Variants in GDA observed in about 807,000 individuals in gnomAD.
GDA encodes the protein cytoplasmic PSD-95 interactor.
A neutral mutation model predicts 59.6 loss-of-function variants in GDA; 18 were observed. The observed-to-expected ratio is 0.30, with a 90% CI of 0.21 to 0.45. The LOEUF (loss-of-function observed/expected upper bound fraction) is 0.45. Ranked by LOEUF, GDA falls within the 20% of genes least tolerant of loss-of-function variation. GDA has a pLI of 1.00. For missense variants in GDA, 427 were observed against 552.3 expected, an observed-to-expected ratio of 0.77 and a Z score of 2.27; for synonymous variants, 201 against 201.1, an observed-to-expected ratio of 1.00 and a Z score of 0.00.
At position 72,216,012 on chromosome 9, in the gene GDA, C is replaced by A. The variant is rs193042545; in HGVS notation, c.578+2021C>A. On this transcript the variant is annotated intron_variant, in intron 5 of 13. Coordinates refer to ENST00000358399, the MANE Select transcript of GDA (RefSeq NM_004293.5). The stretch of plus-strand genomic sequence containing the variant: ...CACCACTTGCATGAATCTGGTGAGA[C>A]AGCACACTTATACAACAAGTTAAGC... 2.2e-4 allele frequency among the ~76,000 whole-genome samples: 34 copies of A among 152,322 alleles called. 1 individual carries two copies. The East Asian group carries it at 6.2e-3, about 28-fold the overall frequency.
At chr9:72,172,534 A>G (rs773479912) in intron 1 of GDA, among the ~76,000 whole-genome samples, 4 of 152,164 alleles carry the variant, frequency 2.6e-5, no homozygotes, top group Non-Finnish European at 5.9e-5. Flanking sequence ...CAGGGAGCTG[A>G]CTAGGGGTTG....
intron 10 of GDA, among the ~76,000 whole-genome samples, chr9:72,238,600 A>G (rs964973679): frequency 1.5e-4 from 23 of 152,244 alleles, no homozygotes; most frequent in African/African-American, 5.3e-4. Context: ...TACCTATGAA[A>G]TCATTTTTTA....
intron 1 of GDA, among the ~76,000 whole-genome samples, chr9:72,171,745 A>G (rs1587463827): frequency 1.3e-5 from 2 of 152,162 alleles, no homozygotes; most frequent in Non-Finnish European, 2.9e-5. Flanking sequence ...CTTGTACATT[A>G]TAATGTTATT....
chr9:72,253,741 A>G (rs1384627973), downstream of GDA, among the ~76,000 whole-genome samples: 1 of 152,200 alleles, frequency 6.6e-6, no homozygotes, highest in African/African-American at 2.4e-5. Flanking sequence ...ATTTAGCAAT[A>G]ATGTATGTCC....
chr9:72,235,552 C>A (rs1005656696), intron 10 of GDA, among the ~76,000 whole-genome samples: 4 of 152,014 alleles, frequency 2.6e-5, no homozygotes, highest in African/African-American at 9.7e-5. Context: ...CAAAAATTAG[C>A]TGGGTGTGGT....
chr9:72,159,365 G>A (rs555325586), intron 1 of GDA, among the ~76,000 whole-genome samples: 2 of 152,218 alleles, frequency 1.3e-5, no homozygotes, highest in South Asian at 4.2e-4. Context: ...CTGCACTCCA[G>A]CCTGGGTGAC....
At chr9:72,179,087 C>T (rs1830867322) in intron 1 of GDA, among the ~76,000 whole-genome samples, 1 of 152,204 alleles carries the variant, frequency 6.6e-6, no homozygotes, top group Admixed American at 6.5e-5. Flanking sequence ...ATACTTCCCT[C>T]ATCCTATTAA....
chr9:72,211,993 C>CGGGAAGG (rs1835432769), intron 4 of GDA, among the ~76,000 whole-genome samples: 1 of 152,086 alleles, frequency 6.6e-6, no homozygotes, highest in Non-Finnish European at 1.5e-5. Flanking sequence ...AGGAGAGAGG[C>CGGGAAGG]AGAAAGGTTT....
chr9:72,180,005 AT>A (rs1830985304), intron 1 of GDA, among the ~76,000 whole-genome samples: 1 of 151,054 alleles, frequency 6.6e-6, no homozygotes, highest in African/African-American at 2.4e-5. Flanking sequence ...AACATATTAA[AT>A]TGGGGTGGGA....
chr9:72,129,110 GC>G (rs1825943478), intron 1 of GDA, among the ~76,000 whole-genome samples: 1 of 151,962 alleles, frequency 6.6e-6, no homozygotes, highest in African/African-American at 2.4e-5. Context: ...TTACAGGCAT[GC>G]GCCACCACAT....
At chr9:72,200,744 C>G (rs945731184) in intron 2 of GDA, among the ~76,000 whole-genome samples, 3 of 152,184 alleles carry the variant, frequency 2.0e-5, no homozygotes, top group African/African-American at 7.2e-5. Context: ...CATATTCCAC[C>G]CTCCCTTTCA....
chr9:72,227,191 C>T (rs888653934), intron 8 of GDA, among the ~76,000 whole-genome samples: 1 of 152,038 alleles, frequency 6.6e-6, no homozygotes. Flanking sequence ...AGGTTTTGTA[C>T]TGAGAGAAAA....
intron 1 of GDA, among the ~76,000 whole-genome samples, chr9:72,190,939 G>A (rs1251747079): frequency 6.6e-6 from 1 of 151,992 alleles, no homozygotes; most frequent in African/African-American, 2.4e-5. Context: ...AAAATAAGGG[G>A]CAGCATCAAT....
At chr9:72,147,218 TG>T (rs1300340022), upstream of GDA, among the ~76,000 whole-genome samples, 2 of 152,240 alleles carry the variant, frequency 1.3e-5, no homozygotes, top group Non-Finnish European at 2.9e-5. Context: ...TGTTTTGTTT[TG>T]TTTTTTTGAG....
downstream of GDA, among the ~76,000 whole-genome samples, chr9:72,256,170 A>G (rs1840877810): frequency 6.6e-6 from 1 of 152,228 alleles, no homozygotes; most frequent in Non-Finnish European, 1.5e-5. Context: ...AGATTTAAAA[A>G]TGGTTAATTA....
intron 1 of GDA, among the ~76,000 whole-genome samples, chr9:72,141,845 A>G (rs1826452550): frequency 6.6e-6 from 1 of 152,212 alleles, no homozygotes. Flanking sequence ...TCAGTTATCA[A>G]TGTGGCACAT....
chr9:72,211,937 A>C (rs574994211), intron 4 of GDA, among the ~76,000 whole-genome samples: 1 of 152,338 alleles, frequency 6.6e-6, no homozygotes, highest in African/African-American at 2.4e-5. Context: ...TGGTATTTTA[A>C]GGAAGATTAA....
intron 12 of GDA, among the ~76,000 whole-genome samples, chr9:72,246,255 C>T (rs1217792381): frequency 6.6e-6 from 1 of 152,192 alleles, no homozygotes; most frequent in Non-Finnish European, 1.5e-5. Flanking sequence ...TCAAGCAGCT[C>T]TCCTGTCTCA....
chr9:72,229,110 C>T (rs1233757980), intron 9 of GDA: 6 of 129,272 alleles, frequency 4.6e-5, no homozygotes, highest in Admixed American at 9.5e-5. Context: ...CCAAGGTGGG[C>T]GGATCACGAG....
Sources: gnomAD v4.1 joint callset for allele counts (sites outside exome capture counted in the v4.1 genomes callset) on GRCh38, gnomAD v4.1.1 for gene constraint, MANE v1.5 for transcripts, NCBI Gene and HGNC (gene_info 2026-07-23, HGNC 2026-07-21) for gene names.